The following TDRD6 variants were observed in gnomAD, a reference collection of about 807,000 sequenced individuals.
TDRD6 encodes the protein tudor domain containing 6, also known as tudor domain-containing protein 6.
A neutral mutation model predicts 157.5 loss-of-function variants in TDRD6; 186 were observed. That is an observed-to-expected ratio of 1.18 (90% CI 1.05 to 1.33). The LOEUF is 1.33. Ranked by LOEUF, TDRD6 falls within the 40% of genes most tolerant of loss-of-function variation. TDRD6 has a pLI of 0.00. For synonymous variants in TDRD6, 1,075 were observed against 945.2 expected (o/e 1.14, Z -2.52); for missense variants, 3,066 against 2,508.0 (o/e 1.22, Z -4.75).
Position 46,689,791 on chromosome 6 carries a change from G to A in TDRD6, c.1663G>A (p.Ala555Thr), listed in dbSNP as rs138859473. ...VKWKENGYYR[A>T]IVTKLDDKSV... ...GTGGAAAGAAAATGGTTATTATAGG[G>A]CCATAGTCACCAAATTGGATGACAA... The change falls in exon 1 of 4, where the codon GCC (alanine) becomes ACC (threonine). Residue 555 changes from alanine (A) to threonine (T), a missense_variant. Ala to Thr is a moderately conservative substitution (Grantham distance 58, BLOSUM62 0). Transcript: ENST00000316081. The A allele has an allele frequency of 1.3e-3, 2,025 of 1,614,156 alleles. 2 individuals carry two copies. The highest frequency in any genetic ancestry group is 1.6e-3 in the Non-Finnish European group (1,908 of 1,180,034).
Position 46,692,735 on chromosome 6 carries a change from G to A in TDRD6, c.4607G>A (p.Cys1536Tyr). The A allele has an allele frequency of 2.5e-6, 4 of 1,614,082 alleles. No homozygotes were observed. The highest frequency in any genetic ancestry group is 4.5e-5 in the East Asian group (2 of 44,888). Residue 1536 changes from cysteine to tyrosine, a missense_variant, in exon 1 of 4, where the codon TGT becomes TAT. By Grantham distance (194) the Cys-to-Tyr change is radical. Coordinates refer to ENST00000316081, the MANE Select transcript of TDRD6 (RefSeq NM_001010870.3). ...TVIDGPEYFW[C>Y]QFADTEKLQC... is the part of the protein sequence containing the mutation. ...ATAGATGGACCTGAGTACTTTTGGT[G>A]TCAGTTTGCTGATACGGAGAAACTT...
Position 46,688,040 on chromosome 6 carries a change from G to A in TDRD6, c.-89G>A. On this transcript the variant is annotated 5_prime_UTR_variant, in exon 1 of 4. Coordinates refer to ENST00000316081, the MANE Select transcript of TDRD6 (RefSeq NM_001010870.3). ...GGGTCCTTTGAACCTAGTTTGGCTG[G>A]GACTCGCCTTCAGGCGGCGCGGAGG... The A allele has an allele frequency of 7.2e-7, 1 of 1,390,252 alleles. No homozygotes were observed. The highest frequency in any genetic ancestry group is 9.3e-7 in the Non-Finnish European group (1 of 1,080,330). The allele number at this position is 1,390,252 out of a possible 1,614,324, so 86.1% of individuals were successfully genotyped here. A position where few individuals can be genotyped will look rare whatever the true frequency, so the allele number is the denominator to read the frequency against.
At position 46,692,240 on chromosome 6, in the gene TDRD6, G is replaced by A. The variant is rs368138475; in HGVS notation, c.4112G>A (p.Arg1371His). ...AVFPEDNLWY[R>H]AVIKEQQPND... ...TTCCCAGAAGATAATTTATGGTATC[G>A]TGCTGTGATCAAGGAGCAACAACCC... is the stretch of plus-strand genomic sequence containing the variant. Residue 1371 changes from arginine (R) to histidine (H), a missense_variant, in exon 1 of 4, where the codon CGT becomes CAT. Physicochemically the swap from Arg to His is conservative, Grantham distance 29 (BLOSUM62 0). Transcript: ENST00000316081. The A allele has an allele frequency of 2.1e-5, 34 of 1,613,912 alleles. No homozygotes were observed. The Middle Eastern group carries it at 4.9e-4, about 23-fold the overall frequency.
At position 46,693,048 on chromosome 6, in the gene TDRD6, C is replaced by T. The variant is rs769071565; in HGVS notation, c.4920C>T (p.Asn1640=). ...QAFPCCLSGF[N]ISEGLCSQEG... is the part of the protein sequence containing the mutation. ...TTCCATGTTGCCTCTCAGGGTTTAA[C>T]ATTTCAGAAGGATTATGTTCTCAAG... The change falls in exon 1 of 4, where the codon AAC becomes AAT. Residue 1640 remains asparagine, a synonymous_variant. Coordinates refer to ENST00000316081, the MANE Select transcript of TDRD6 (RefSeq NM_001010870.3). The T allele has an allele frequency of 2.9e-5, 47 of 1,613,650 alleles. No homozygotes were observed. Among genetic ancestry groups the T allele is most frequent in the Non-Finnish European group, 3.6e-5 (42 of 1,179,938 alleles).
rs374280620 is a variant in TDRD6 at position 46,699,548 on chromosome 6, C to T, written c.6261+1461C>T. 1.1e-4 allele frequency among the ~76,000 whole-genome samples: 16 copies of T among 152,266 alleles called. No individual in the cohort carries two copies. The East Asian group carries it at 1.3e-3, about 13-fold the overall frequency. Reference sequence around the variant, plus strand: ...TCTTACTCTCTAGCATTCAGGGTTCCTTTATCCCTAGTCCACTGGCTATAA... The same window carrying T: ...TCTTACTCTCTAGCATTCAGGGTTCTTTTATCCCTAGTCCACTGGCTATAA... On this transcript the variant is annotated intron_variant, in intron 3 of 3. Transcript: ENST00000316081.
chr6:46,692,060 T>C lies in TDRD6; in HGVS notation c.3932T>C (p.Val1311Ala). 6.2e-7 allele frequency: 1 copy of C among 1,612,662 alleles called. No individual in the cohort carries two copies. The highest frequency in any genetic ancestry group is 2.2e-5 in the East Asian group (1 of 44,858). The change falls in exon 1 of 4, where the codon GTT becomes GCT. Residue 1311 changes from valine (V) to alanine (A), a missense_variant. Val to Ala is a moderately conservative substitution (Grantham distance 64, BLOSUM62 0). Coordinates refer to ENST00000316081, the MANE Select transcript of TDRD6 (RefSeq NM_001010870.3). ...IMPGFKTTVY[V>A]SHINDLSDFY... ...CCTGGATTTAAAACAACTGTATATG[T>C]TTCTCATATAAATGACCTTTCAGAC... is the stretch of plus-strand genomic sequence containing the variant.
chr6:46,689,591 T>C lies in TDRD6; in HGVS notation c.1463T>C (p.Phe488Ser). 1 of 1,614,194 alleles carries C rather than the reference T, an allele frequency of 6.2e-7. No homozygotes were observed. Among genetic ancestry groups the C allele is most frequent in the South Asian group, 1.1e-5 (1 of 91,084 alleles). ...LRSIRLKMNA[F>S]YDAQVEFVKN... The stretch of plus-strand genomic sequence containing the variant: ...TCTATCAGGTTAAAGATGAATGCCT[T>C]CTACGATGCGCAGGTAGAGTTTGTT... The change falls in exon 1 of 4, where the codon TTC (phenylalanine) becomes TCC (serine). Residue 488 changes from phenylalanine (F) to serine (S), a missense_variant. Physicochemically the swap from Phe to Ser is radical, Grantham distance 155. Transcript: ENST00000316081.
intron 3 of TDRD6, among the ~76,000 whole-genome samples, chr6:46,698,432 A>G (rs1448242781): frequency 6.6e-6 from 1 of 152,188 alleles, no homozygotes; most frequent in Non-Finnish European, 1.5e-5. Flanking sequence ...AAATAGGTTG[A>G]CCAGTTTGGT....
At chr6:46,694,198 T>G in intron 1 of TDRD6, 24 bp downstream of exon 1, 1 of 1,439,780 alleles carries the variant, frequency 6.9e-7, no homozygotes, top group African/African-American at 1.6e-5. Context: ...TTTTCCTTTT[T>G]ACTTTTTTTT....
At chr6:46,697,530 T>C (rs996959230) in intron 2 of TDRD6, among the ~76,000 whole-genome samples, 1 of 152,190 alleles carries the variant, frequency 6.6e-6, no homozygotes, top group Non-Finnish European at 1.5e-5. Flanking sequence ...GAAACTGAAG[T>C]AGCATGGAGT....
At position 46,687,998 on chromosome 6, in the gene TDRD6, C is replaced by T; in HGVS notation, c.-131C>T. On this transcript the variant is annotated 5_prime_UTR_variant, in exon 1 of 4. Coordinates refer to ENST00000316081, the MANE Select transcript of TDRD6 (RefSeq NM_001010870.3). ...AGTTGCCGAGAAAAGGCCTCGCCGG[C>T]ATTCTTCCCCTCCACTGGGTCCTTT... 1 of 1,327,524 alleles carries T rather than the reference C, an allele frequency of 7.5e-7. No homozygotes were observed. Among genetic ancestry groups the T allele is most frequent in the Non-Finnish European group, 9.7e-7 (1 of 1,028,652 alleles). 82.2% of individuals were successfully genotyped at this position (1,327,524 alleles called of 1,614,324 possible).
rs1285163800 is a variant in TDRD6 at position 46,690,444 on chromosome 6, T to TTGG, written c.2316_2317insTGG (p.Ser772_Thr773insTrp). On this transcript the variant is annotated inframe_insertion, in exon 1 of 4. Coordinates refer to ENST00000316081, the MANE Select transcript of TDRD6 (RefSeq NM_001010870.3). Reference sequence around the variant, plus strand: ...GTAAAGGAGAGCTGGAAGTTGGAAGTACAGTAGAAGTCAGAGTGTCTTATG... The same window carrying TTGG: ...GTAAAGGAGAGCTGGAAGTTGGAAGTTGGACAGTAGAAGTCAGAGTGTCTTATG... 2 of 1,614,148 alleles carry TTGG rather than the reference T, an allele frequency of 1.2e-6. No homozygotes were observed. Among genetic ancestry groups the TTGG allele is most frequent in the East Asian group, 4.5e-5 (2 of 44,888 alleles).
Position 46,701,986 on chromosome 6 carries a change from T to A in TDRD6, c.*99T>A. The A allele has an allele frequency of 7.2e-7, 1 of 1,392,768 alleles. No individual in the cohort carries two copies. Among genetic ancestry groups the A allele is most frequent in the Non-Finnish European group, 1.0e-6 (1 of 999,284 alleles). The allele number at this position is 1,392,768 out of a possible 1,614,324, so 86.3% of individuals were successfully genotyped here. ...AGTATTTGAGAAAATTGAAAACATG[T>A]AACCACAAGAAGTTGTCATTTTCAA... On this transcript the variant is annotated 3_prime_UTR_variant, in exon 4 of 4. Coordinates refer to ENST00000316081, the MANE Select transcript of TDRD6 (RefSeq NM_001010870.3).
At chr6:46,699,635 C>T (rs1416056953) in intron 3 of TDRD6, among the ~76,000 whole-genome samples, 1 of 151,936 alleles carries the variant, frequency 6.6e-6, no homozygotes, top group Non-Finnish European at 1.5e-5. Context: ...ATTTGGCCCA[C>T]CCTCAGATCA....
rs769463994 is a variant in TDRD6 at position 46,690,038 on chromosome 6, A to C, written c.1910A>C (p.Gln637Pro). ...TTAGTCATCCATATTCTTGATAAAC[A>C]GGATCATCAATATGTTATTGAGATT... ...KELVIHILDK[Q>P]DHQYVIEILD... The change falls in exon 1 of 4, where the codon CAG (glutamine) becomes CCG (proline). Residue 637 changes from glutamine to proline, a missense_variant. By Grantham distance (76) the Gln-to-Pro change is moderately conservative. Transcript: ENST00000316081. 6.2e-7 allele frequency: 1 copy of C among 1,614,066 alleles called. No homozygotes were observed. Among genetic ancestry groups the C allele is most frequent in the South Asian group, 1.1e-5 (1 of 91,062 alleles).
chr6:46,691,093 T>C lies in TDRD6; in HGVS notation c.2965T>C (p.Leu989=), dbSNP rs778983027. Residue 989 remains leucine (L), a synonymous_variant, in exon 1 of 4, where the codon TTA becomes CTA. Transcript: ENST00000316081. ...TGATATGAAAATTGGAAGTGAAGAATTAGTTTATATAACGCATATTGATGA... is the reference window on the plus strand; with the variant it reads ...TGATATGAAAATTGGAAGTGAAGAACTAGTTTATATAACGCATATTGATGA... ...THDMKIGSEE[L]VYITHIDDPW... 18 of 1,613,816 alleles carry C rather than the reference T, an allele frequency of 1.1e-5. No homozygotes were observed. In the African/African-American group the frequency reaches 1.5e-4, roughly 13 times the overall value.
Position 46,690,873 on chromosome 6 carries a change from A to G in TDRD6, c.2745A>G (p.Gln915=). 1 of 1,613,704 alleles carries G rather than the reference A, an allele frequency of 6.2e-7. No individual in the cohort carries two copies. The highest frequency in any genetic ancestry group is 1.1e-5 in the South Asian group (1 of 90,974). The change falls in exon 1 of 4, where the codon CAA becomes CAG. Residue 915 remains glutamine (Q), a synonymous_variant. Transcript: ENST00000316081. The stretch of plus-strand genomic sequence containing the variant: ...ATGAATTTATAGATAATGCATGGCA[A>G]AAAAATCTAGAATTAAAATGTACAA... ...AFNEFIDNAW[Q]KNLELKCTIF... is the part of the protein sequence containing the mutation.
In TDRD6 at chr6:46,691,450, C is replaced by T; in HGVS notation, c.3322C>T (p.Pro1108Ser). ...CSLSDIPDHI[P>S]EEVVVWFQET... ...ATTATCTGATATTCCTGATCATATA[C>T]CAGAAGAAGTGGTGGTGTGGTTTCA... The change falls in exon 1 of 4, where the codon CCA becomes TCA. Residue 1108 changes from proline to serine, a missense_variant. Transcript: ENST00000316081. 1 of 1,613,918 alleles carries T rather than the reference C, an allele frequency of 6.2e-7. No individual in the cohort carries two copies. The highest frequency in any genetic ancestry group is 2.2e-5 in the East Asian group (1 of 44,848).
chr6:46,681,449 C>T, the TDRD6 span: 1 of 448,642 alleles, frequency 2.2e-6, no homozygotes, highest in East Asian at 7.2e-5. Context: ...GAACATTTTA[C>T]CCACTCAAGT....
Sources: gnomAD v4.1 joint callset for allele counts (sites outside exome capture counted in the v4.1 genomes callset) on GRCh38, gnomAD v4.1.1 for gene constraint, MANE v1.5 for transcripts, NCBI Gene and HGNC (gene_info 2026-07-23, HGNC 2026-07-21) for gene names.